Variants in ASDURF observed in about 807,000 individuals in gnomAD.
ASDURF encodes the protein ASNSD1 upstream open reading frame.
ASDURF carries 3 observed loss-of-function variants against 3.3 expected under a neutral mutation model. The ratio of observed to expected loss-of-function variants is 0.92; its 90% CI spans 0.42 to 2.37. The LOEUF (loss-of-function observed/expected upper bound fraction) is 2.37, where lower values mean the gene tolerates loss of function less well. Ranked by LOEUF, ASDURF falls within the 30% of genes most tolerant of loss-of-function variation. The probability of loss-of-function intolerance (pLI) is 0.05; values close to 1 mark genes in which losing one functional copy is unlikely to be tolerated. For synonymous variants in ASDURF, 11 were observed against 8.3 expected, an observed-to-expected ratio of 1.32 and a Z score of -0.55; for missense variants, 23 against 25.4, an observed-to-expected ratio of 0.90 and a Z score of 0.21.
chr2:189,664,600 T>TA (rs1296718801), intron 2 of ASDURF, among the ~76,000 whole-genome samples: 1 of 152,174 alleles, frequency 6.6e-6, no homozygotes, highest in African/African-American at 2.4e-5. Context: ...TTGAGGCACA[T>TA]ACAAAAATTA....
intron 3 of ASDURF, among the ~76,000 whole-genome samples, 177 bp downstream of exon 3, chr2:189,665,628 A>ATGTATATATG (rs2032781116): frequency 8.0e-6 from 1 of 124,456 alleles, no homozygotes; most frequent in African/African-American, 3.3e-5. Context: ...ATATATATAT[A>ATGTATATATG]TATATATATA....
At chr2:189,662,373 T>C (rs2032687866) in intron 1 of ASDURF, among the ~76,000 whole-genome samples, 1 of 152,212 alleles carries the variant, frequency 6.6e-6, no homozygotes, top group Non-Finnish European at 1.5e-5. Flanking sequence ...CTTGGGCAAG[T>C]CTCTTTAATC....
intron 1 of ASDURF, among the ~76,000 whole-genome samples, chr2:189,663,218 T>C (rs560512942): frequency 1.3e-3 from 198 of 151,542 alleles, no homozygotes; most frequent in African/African-American, 4.5e-3. Flanking sequence ...TAATTCCTTT[T>C]GGTGTATATC....
At chr2:189,662,557 T>C (rs1007325230) in intron 1 of ASDURF, among the ~76,000 whole-genome samples, 2 of 152,102 alleles carry the variant, frequency 1.3e-5, no homozygotes, top group Non-Finnish European at 2.9e-5. Context: ...TGCACATTCA[T>C]GGGGATTGGG....
Position 189,664,564 on chromosome 2 carries a change from T to C in ASDURF, c.144+610T>C, listed in dbSNP as rs559854283. 5.9e-5 allele frequency among the ~76,000 whole-genome samples: 9 copies of C among 152,314 alleles called. No homozygotes were observed. In the South Asian group the frequency reaches 1.7e-3, roughly 28 times the overall value. On this transcript the variant is annotated intron_variant, in intron 2 of 3. Transcript: ENST00000607829. ...TAACTGGCTGGTTAGATATTTCTGA[T>C]ATTGTCACTTATGGAATATTAGAAG...
chr2:189,665,592 A>ATG (rs1296475655), intron 3 of ASDURF, 141 bp downstream of exon 3: 2 of 12,778 alleles, frequency 1.6e-4, no homozygotes, highest in African/African-American at 3.6e-4. Context: ...AGTTATATAT[A>ATG]TATGTGTATA....
chr2:189,666,256 G>T lies in ASDURF; in HGVS notation c.*145G>T. 1 of 1,614,106 alleles carries T rather than the reference G, an allele frequency of 6.2e-7. No individual in the cohort carries two copies. The highest frequency in any genetic ancestry group is 8.5e-7 in the Non-Finnish European group (1 of 1,179,998). ...TAGTAGTAAACAATTGTTAAAGTCT[G>T]ATGTTAACTACCAGTGTTTATTTTC... On this transcript the variant is annotated 3_prime_UTR_variant, in exon 4 of 4. Coordinates refer to ENST00000607829, the MANE Select transcript of ASDURF (RefSeq NM_001353493.2).
rs1318583503 is a variant in ASDURF at position 189,661,626 on chromosome 2, G to A, written c.90+16G>A. On this transcript the variant is annotated intron_variant, in intron 1 of 3. Coordinates refer to ENST00000607829, the MANE Select transcript of ASDURF (RefSeq NM_001353493.2). ...AAGCAGCAAGGTGAGTGTGAGACGC[G>A]ACGAAAAGGCTCCTGGACTCGGGAC... 2 of 399,386 alleles carry A rather than the reference G, an allele frequency of 5.0e-6. No individual in the cohort carries two copies. Among genetic ancestry groups the A allele is most frequent in the Non-Finnish European group, 8.8e-6 (2 of 226,324 alleles). 24.7% of individuals were successfully genotyped at this position (399,386 alleles called of 1,614,324 possible). A position where few individuals can be genotyped will look rare whatever the true frequency, so the allele number is the denominator to read the frequency against.
rs537942189 is a variant in ASDURF at position 189,662,283 on chromosome 2, G to A, written c.90+673G>A. Among the ~76,000 whole-genome samples the A allele has an allele frequency of 1.7e-4, 26 of 152,284 alleles. 1 individual carries two copies. In the East Asian group the frequency reaches 3.7e-3, roughly 21 times the overall value. The stretch of plus-strand genomic sequence containing the variant: ...AACAAACAACCTTTAAAGATAAATG[G>A]GGGTGGCGAGGGTTATAGCCCTTCA... On this transcript the variant is annotated intron_variant, in intron 1 of 3. Transcript: ENST00000607829.
Position 189,666,273 on chromosome 2 carries a change from T to C in ASDURF, c.*162T>C. 1 of 1,614,164 alleles carries C rather than the reference T, an allele frequency of 6.2e-7. No homozygotes were observed. Among genetic ancestry groups the C allele is most frequent in the Non-Finnish European group, 8.5e-7 (1 of 1,180,008 alleles). ...TAAAGTCTGATGTTAACTACCAGTG[T>C]TTATTTTCTGCTCACGTCCTACACT... On this transcript the variant is annotated 3_prime_UTR_variant, in exon 4 of 4. Coordinates refer to ENST00000607829, the MANE Select transcript of ASDURF (RefSeq NM_001353493.2).
chr2:189,661,876 T>G (rs150406123), intron 1 of ASDURF, among the ~76,000 whole-genome samples: 80 of 152,294 alleles, frequency 5.3e-4, no homozygotes, highest in Non-Finnish European at 1.1e-3. Flanking sequence ...TTTTCCTCCC[T>G]AGTCTTTTTA....
At chr2:189,665,644 A>ATATATATATATATATATATATATATG (rs1455945789) in intron 3 of ASDURF, among the ~76,000 whole-genome samples, 193 bp downstream of exon 3, 50 of 123,730 alleles carry the variant, frequency 4.0e-4, no homozygotes, top group Non-Finnish European at 6.6e-4. Flanking sequence ...ATATATATAT[A>ATATATATATATATATATATATATATG]TATTATAAAT....
intron 1 of ASDURF, among the ~76,000 whole-genome samples, chr2:189,663,047 G>A (rs2032704580): frequency 6.6e-6 from 1 of 151,622 alleles, no homozygotes; most frequent in South Asian, 2.1e-4. Flanking sequence ...AACATGATAG[G>A]TCTTACTGTC....
At chr2:189,662,123 G>A (rs1392587645) in intron 1 of ASDURF, among the ~76,000 whole-genome samples, 1 of 152,160 alleles carries the variant, frequency 6.6e-6, no homozygotes, top group Non-Finnish European at 1.5e-5. Flanking sequence ...TTCCTAAGCG[G>A]TCTCTCCTCA....
At chr2:189,663,582 G>T (rs1191730274) in intron 1 of ASDURF, among the ~76,000 whole-genome samples, 2 of 152,174 alleles carry the variant, frequency 1.3e-5, no homozygotes, top group East Asian at 3.8e-4. Context: ...TTAACAAAAG[G>T]TATAAACCTT....
In ASDURF at chr2:189,663,661, G is replaced by C. The variant is rs2032724030; in HGVS notation, c.91-240G>C. ...CGAAAATCCCTGTCTGGTCTTAATG[G>C]GTTACCTAACATTTTGCAAGTCTAA... On this transcript the variant is annotated intron_variant, in intron 1 of 3. Transcript: ENST00000607829. Among the ~76,000 whole-genome samples the C allele has an allele frequency of 8.5e-5, 13 of 152,208 alleles. No homozygotes were observed. The South Asian group carries it at 2.5e-3, about 29-fold the overall frequency.
chr2:189,663,500 G>A lies in ASDURF; in HGVS notation c.91-401G>A, dbSNP rs1385947479. Among the ~76,000 whole-genome samples the A allele has an allele frequency of 3.9e-5, 6 of 152,260 alleles. No homozygotes were observed. The East Asian group carries it at 7.7e-4, about 20-fold the overall frequency. The stretch of plus-strand genomic sequence containing the variant: ...ACTCCCGACTTCAGGTGATCCGCCC[G>A]CCTTGGCCTCCCGAAGTGCTGGGAT... On this transcript the variant is annotated intron_variant, in intron 1 of 3. Transcript: ENST00000607829.
chr2:189,666,131 C>T lies in ASDURF; in HGVS notation c.*20C>T. The T allele has an allele frequency of 6.5e-7, 1 of 1,542,222 alleles. No homozygotes were observed. Among genetic ancestry groups the T allele is most frequent in the South Asian group, 1.3e-5 (1 of 77,630 alleles). On this transcript the variant is annotated 3_prime_UTR_variant, in exon 4 of 4. Coordinates refer to ENST00000607829, the MANE Select transcript of ASDURF (RefSeq NM_001353493.2). ...AAATAGTCAACCTGATTTCACATAA[C>T]AATGTGTGGCATTTGTTGTTCTGTA...
intron 3 of ASDURF, among the ~76,000 whole-genome samples, chr2:189,665,655 GT>G (rs2032785714): frequency 7.8e-6 from 1 of 127,632 alleles, no homozygotes; most frequent in Non-Finnish European, 1.6e-5. Flanking sequence ...TATTATAAAT[GT>G]TTTAGAAAGC....
Sources: gnomAD v4.1 joint callset for allele counts (sites outside exome capture counted in the v4.1 genomes callset) on GRCh38, gnomAD v4.1.1 for gene constraint, MANE v1.5 for transcripts, NCBI Gene and HGNC (gene_info 2026-07-23, HGNC 2026-07-21) for gene names.